The following CASP8 variants were observed in gnomAD, a reference collection of about 807,000 sequenced individuals.
CASP8 encodes the protein caspase-8.
CASP8 carries 24 observed loss-of-function variants against 46.3 expected under a neutral mutation model. The observed-to-expected ratio is 0.52, with a 90% CI of 0.38 to 0.73. The LOEUF (loss-of-function observed/expected upper bound fraction) is 0.73. Ranked by LOEUF, CASP8 falls within the 30% of genes least tolerant of loss-of-function variation. The pLI is 0.00. For missense variants in CASP8, 460 were observed against 559.0 expected, an observed-to-expected ratio of 0.82 and a Z score of 1.79; for synonymous variants, 188 against 200.4, an observed-to-expected ratio of 0.94 and a Z score of 0.52.
chr2:201,250,997 A>T (rs1235999193), intron 2 of CASP8, among the ~76,000 whole-genome samples: 2 of 152,230 alleles, frequency 1.3e-5, no homozygotes, highest in African/African-American at 4.8e-5. Context: ...ACATAGTTGG[A>T]ATCATACAGT....
At chr2:201,237,924 G>A (rs1946124286) in intron 2 of CASP8, among the ~76,000 whole-genome samples, 1 of 152,176 alleles carries the variant, frequency 6.6e-6, no homozygotes, top group African/African-American at 2.4e-5. Context: ...GGCATTTTGC[G>A]ATCTCATCAA....
chr2:201,268,302 G>T (rs1024467929), intron 2 of CASP8, among the ~76,000 whole-genome samples: 1 of 152,160 alleles, frequency 6.6e-6, no homozygotes, highest in Non-Finnish European at 1.5e-5. Context: ...TGTAATCCCA[G>T]CACTTTGGGA....
chr2:201,282,949 AT>A (rs1443248375), intron 7 of CASP8, among the ~76,000 whole-genome samples: 2 of 61,214 alleles, frequency 3.3e-5, no homozygotes, highest in East Asian at 9.9e-4. Flanking sequence ...CAGGGGGCTG[AT>A]CCCCCCACCT....
At chr2:201,256,936 G>T (rs969113949), upstream of CASP8, among the ~76,000 whole-genome samples, 6 of 148,814 alleles carry the variant, frequency 4.0e-5, no homozygotes, top group Non-Finnish European at 8.9e-5. Flanking sequence ...ACCTGAGGTC[G>T]TGAGTTTGAG....
In CASP8 at chr2:201,286,631, T is replaced by G. The variant is rs1949574189; in HGVS notation, c.*37T>G. 5 of 1,585,728 alleles carry G rather than the reference T, an allele frequency of 3.2e-6. No homozygotes were observed. The highest frequency in any genetic ancestry group is 4.3e-6 in the Non-Finnish European group (5 of 1,158,234). The stretch of plus-strand genomic sequence containing the variant: ...TGTTTGTTTTGTTTTGTTTTGTTTT[T>G]TTGAGACAGAATCTCGCTCTGTCGC... On this transcript the variant is annotated 3_prime_UTR_variant, in exon 9 of 9. Transcript: ENST00000673742.
chr2:201,282,082 G>A (rs1408853544), intron 7 of CASP8, among the ~76,000 whole-genome samples: 1 of 68,774 alleles, frequency 1.5e-5, no homozygotes, highest in African/African-American at 4.9e-5. Context: ...AGGACCCTGC[G>A]GCCTTCCGCA....
At chr2:201,235,312 T>C (rs1418109200) in intron 2 of CASP8, among the ~76,000 whole-genome samples, 1 of 152,144 alleles carries the variant, frequency 6.6e-6, no homozygotes, top group African/African-American at 2.4e-5. Flanking sequence ...CTGCCGTAAG[T>C]GGTGTATTGT....
intron 2 of CASP8, among the ~76,000 whole-genome samples, chr2:201,249,545 T>C (rs1946682881): frequency 6.6e-6 from 1 of 152,242 alleles, no homozygotes; most frequent in Admixed American, 6.5e-5. Flanking sequence ...TGTTCAGACC[T>C]CTTGCCCACT....
Position 201,269,496 on chromosome 2 carries a change from T to C in CASP8, c.306-2020T>C, listed in dbSNP as rs1175184402. The C allele has an allele frequency of 1.9e-6, 3 of 1,603,708 alleles. No individual in the cohort carries two copies. Among genetic ancestry groups the C allele is most frequent in the Non-Finnish European group, 2.6e-6 (3 of 1,171,986 alleles). On this transcript the variant is annotated intron_variant, in intron 2 of 8. Transcript: ENST00000673742. ...GGGGTCTCATCTTGTGCCCACCATC[T>C]TGGTCCTTTGAAGGTTCCACTTCTG...
intron 2 of CASP8, among the ~76,000 whole-genome samples, chr2:201,238,779 AT>A (rs1321233834): frequency 2.0e-5 from 3 of 148,080 alleles, no homozygotes; most frequent in Admixed American, 6.6e-5. Flanking sequence ...TTATTTATTT[AT>A]TTTTTAATTG....
At chr2:201,269,656 C>A (rs2125206651) in intron 2 of CASP8, 1 of 1,304,030 alleles carries the variant, frequency 7.7e-7, no homozygotes, top group South Asian at 1.2e-5. Context: ...ATAAAAGGGT[C>A]CGGGCAATCC....
Position 201,263,955 on chromosome 2 carries a change from C to T in CASP8, c.-26-2506C>T, listed in dbSNP as rs970025517. Among the ~76,000 whole-genome samples the T allele has an allele frequency of 1.1e-4, 17 of 152,334 alleles. No individual in the cohort carries two copies. The East Asian group carries it at 3.3e-3, about 29-fold the overall frequency. On this transcript the variant is annotated intron_variant, in intron 1 of 8. Coordinates refer to ENST00000673742, the MANE Select transcript of CASP8 (RefSeq NM_001372051.1). Reference sequence around the variant, plus strand: ...AAAGCAGCTCTCACTGTCACCTCCACCCATCAGCCTTCTCACACTGCACGC... The same window carrying T: ...AAAGCAGCTCTCACTGTCACCTCCATCCATCAGCCTTCTCACACTGCACGC...
chr2:201,263,523 G>A (rs1450002730), intron 1 of CASP8, among the ~76,000 whole-genome samples: 2 of 152,210 alleles, frequency 1.3e-5, no homozygotes, highest in Non-Finnish European at 2.9e-5. Context: ...GTAGGAAAGA[G>A]TAAAATATTA....
chr2:201,244,816 G>T (rs938522400), intron 2 of CASP8, among the ~76,000 whole-genome samples: 1 of 152,144 alleles, frequency 6.6e-6, no homozygotes, highest in East Asian at 1.9e-4. Flanking sequence ...GGAATTGAAG[G>T]GGGTGGGGGG....
At chr2:201,245,900 T>C (rs1224461799) in intron 2 of CASP8, among the ~76,000 whole-genome samples, 4 of 145,898 alleles carry the variant, frequency 2.7e-5, no homozygotes, top group South Asian at 2.1e-4. Flanking sequence ...GGAGTTTCGC[T>C]CTTGTTGCCC....
In CASP8 at chr2:201,284,972, A is replaced by C. The variant is rs2125482312; in HGVS notation, c.959A>C (p.Lys320Thr). Residue 320 changes from lysine (K) to threonine (T), a missense_variant, in exon 8 of 9, where the codon AAG becomes ACG. Physicochemically the swap from Lys to Thr is moderately conservative, Grantham distance 78. Transcript: ENST00000673742. Reference sequence around the variant, plus strand: ...TGCTGTATCCTCTCCCATGGAGACAAGGGCATCATCTATGGCACTGATGGA... The same window carrying C: ...TGCTGTATCCTCTCCCATGGAGACACGGGCATCATCTATGGCACTGATGGA... ...FICCILSHGDKGIIYGTDGQE... is the reference protein window; with the variant it reads ...FICCILSHGDTGIIYGTDGQE... The C allele has an allele frequency of 6.2e-7, 1 of 1,614,146 alleles. No homozygotes were observed.
At chr2:201,261,952 GC>G (rs1267316663) in intron 1 of CASP8, 1 of 152,158 alleles carries the variant, frequency 6.6e-6, no homozygotes, top group East Asian at 1.9e-4. Context: ...AGATGCTGGG[GC>G]CTAGATTCTA....
chr2:201,274,875 T>C lies in CASP8; in HGVS notation c.596-14T>C. The C allele has an allele frequency of 6.2e-7, 1 of 1,605,448 alleles. No individual in the cohort carries two copies. ...CCATGTCTCATTCTAGATGTGTCTC[T>C]TCGTTGTTTGCAGGGGAGGAGTTGT... On this transcript the variant is annotated splice_polypyrimidine_tract_variant and intron_variant, in intron 5 of 8. Transcript: ENST00000673742.
intron 2 of CASP8, among the ~76,000 whole-genome samples, chr2:201,254,511 T>A (rs1946930274): frequency 6.6e-6 from 1 of 151,982 alleles, no homozygotes; most frequent in Admixed American, 6.6e-5. Context: ...CCCCGTTGAA[T>A]CCACAAACCA....
Sources: allele counts gnomAD v4.1 joint callset (sites outside exome capture counted in the v4.1 genomes callset), GRCh38; gene constraint gnomAD v4.1.1; transcripts MANE v1.5; gene names NCBI Gene and HGNC (gene_info 2026-07-23, HGNC 2026-07-21).